Variants in SDK2 observed in about 807,000 individuals in gnomAD.
SDK2 encodes the protein sidekick cell adhesion molecule 2, also known as protein sidekick-2.
SDK2 carries 105 observed loss-of-function variants against 253.9 expected under a neutral mutation model. The ratio of observed to expected loss-of-function variants is 0.41; its 90% confidence interval spans 0.35 to 0.49. SDK2 has a LOEUF of 0.49. Ranked by LOEUF, SDK2 falls within the 20% of genes least tolerant of loss-of-function variation. SDK2 has a pLI of 0.06. For missense variants in SDK2, 2,608 were observed against 3,003.0 expected, an observed-to-expected ratio of 0.87 and a Z score of 3.07; for synonymous variants, 1,249 against 1,234.9, an observed-to-expected ratio of 1.01 and a Z score of -0.24.
chr17:73,637,275 T>C (rs927274217), intron 1 of SDK2, among the ~76,000 whole-genome samples: 8 of 152,150 alleles, frequency 5.3e-5, no homozygotes, highest in South Asian at 2.1e-4. Flanking sequence ...GTTGTCTTTT[T>C]CCAGCACACG....
intron 1 of SDK2, among the ~76,000 whole-genome samples, chr17:73,599,148 T>G (rs2045802173): frequency 6.6e-6 from 1 of 152,212 alleles, no homozygotes; most frequent in Non-Finnish European, 1.5e-5. Context: ...TCCTGTGCAA[T>G]GGGCCTGGCC....
chr17:73,585,158 AT>A (rs1485896946), intron 1 of SDK2, among the ~76,000 whole-genome samples: 3 of 152,206 alleles, frequency 2.0e-5, no homozygotes. Context: ...GATGTGAGGA[AT>A]TGAAGCTCAG....
At chr17:73,442,298 GC>G (rs1270807561) in intron 5 of SDK2, among the ~76,000 whole-genome samples, 1 of 151,458 alleles carries the variant, frequency 6.6e-6, no homozygotes, top group East Asian at 1.9e-4. Flanking sequence ...TGCTTTGTAA[GC>G]CCCCAGCTGT....
chr17:73,570,055 G>C lies in SDK2; in HGVS notation c.65-62458C>G, dbSNP rs116288992. ...CAGCGCTCTAACTCTTTCAGGCTTC[G>C]GCTGGGGAAGGAAGAGAGTCAGGCG... On this transcript the variant is annotated intron_variant, in intron 1 of 44. Transcript: ENST00000392650. This position sits in a 1 kb window ranked among gnomAD's most constrained non-coding sequence, Gnocchi z 4.2. Among the ~76,000 whole-genome samples, 1,411 of 152,216 alleles carry C rather than the reference G, an allele frequency of 9.3e-3. 21 individuals are homozygous for C. Among genetic ancestry groups the C allele is most frequent in the African/African-American group, 0.027 (1,120 of 41,544 alleles).
chr17:73,567,610 G>A (rs974576148), intron 1 of SDK2, among the ~76,000 whole-genome samples: 2 of 152,254 alleles, frequency 1.3e-5, no homozygotes, highest in Non-Finnish European at 2.9e-5. Flanking sequence ...ACAGCCAGGG[G>A]GGCTGTGCCT....
chr17:73,451,750 C>G (rs1054218074), intron 4 of SDK2, among the ~76,000 whole-genome samples: 1 of 152,178 alleles, frequency 6.6e-6, no homozygotes, highest in African/African-American at 2.4e-5. Flanking sequence ...GCTTGTGGCT[C>G]TCTCCAGAAT....
At chr17:73,583,773 A>T (rs1452631473) in intron 1 of SDK2, among the ~76,000 whole-genome samples, 1 of 152,164 alleles carries the variant, frequency 6.6e-6, no homozygotes, top group African/African-American at 2.4e-5. Flanking sequence ...GCCTGCCCCC[A>T]GGATCAAAGG....
intron 1 of SDK2, among the ~76,000 whole-genome samples, chr17:73,551,223 G>C (rs955762813): frequency 6.6e-6 from 1 of 152,142 alleles, no homozygotes; most frequent in African/African-American, 2.4e-5. Context: ...GATGGCGGCC[G>C]GCTCCCCATC....
intron 1 of SDK2, among the ~76,000 whole-genome samples, chr17:73,604,119 A>G (rs147054596): frequency 6.6e-6 from 1 of 152,258 alleles, no homozygotes; most frequent in Non-Finnish European, 1.5e-5. Context: ...TGGCCAGGAG[A>G]GTGTTTATTT....
rs568024892 is a variant in SDK2, at chr17:73,585,497, G to A, written c.64+58528C>T. Reference sequence around the variant, plus strand: ...TTCGGGTTGGTCCTGAGTAGGTGCTGCGGGTCTGTGGGCCACACTCTGAAT... The same window carrying A: ...TTCGGGTTGGTCCTGAGTAGGTGCTACGGGTCTGTGGGCCACACTCTGAAT... On this transcript the variant is annotated intron_variant, in intron 1 of 44. Transcript: ENST00000392650. Among the ~76,000 whole-genome samples, 6 of 152,330 alleles carry A rather than the reference G, an allele frequency of 3.9e-5. No homozygotes were observed. In the East Asian group the frequency reaches 1.2e-3, roughly 29 times the overall value.
rs1054851364 is a variant in SDK2 at position 73,352,524 on chromosome 17, C to T, written c.5707G>A (p.Val1903Ile). ...GVSYDFRVIA[V>I]NDYGFGTPSS... is the part of the protein sequence containing the mutation. Reference sequence around the variant, plus strand: ...GGGGTGCCGAAACCATAGTCGTTGACCGCGATGACCCGGAAGTCATAGCTC... The same window carrying T: ...GGGGTGCCGAAACCATAGTCGTTGATCGCGATGACCCGGAAGTCATAGCTC... The change falls in exon 41 of 45, where the codon GTC becomes ATC. Residue 1903 changes from valine (V) to isoleucine (I), a missense_variant. Transcript: ENST00000392650. The surrounding 1 kb of genome is among the most constrained non-coding windows in gnomAD (Gnocchi z 4.1). 1 of 1,613,970 alleles carries T rather than the reference C, an allele frequency of 6.2e-7. No individual in the cohort carries two copies. The highest frequency in any genetic ancestry group is 8.5e-7 in the Non-Finnish European group (1 of 1,179,876).
intron 1 of SDK2, among the ~76,000 whole-genome samples, chr17:73,636,543 T>C (rs2046331677): frequency 6.6e-6 from 1 of 151,682 alleles, no homozygotes; most frequent in African/African-American, 2.4e-5. Context: ...TGGTCAGGCG[T>C]GGCAGCACGT....
At chr17:73,381,410 T>C (rs2062829542) in intron 33 of SDK2, among the ~76,000 whole-genome samples, 1 of 149,516 alleles carries the variant, frequency 6.7e-6, no homozygotes, top group Non-Finnish European at 1.5e-5. Flanking sequence ...CAAGCACATA[T>C]GGGCAAAAAA....
intron 1 of SDK2, among the ~76,000 whole-genome samples, chr17:73,547,582 A>T (rs2044985277): frequency 6.6e-6 from 1 of 152,142 alleles, no homozygotes; most frequent in Non-Finnish European, 1.5e-5. Context: ...CCCACCTCCC[A>T]ATAGGGCCTG....
intron 1 of SDK2, among the ~76,000 whole-genome samples, chr17:73,611,480 GT>G (rs528970601): frequency 1.5e-3 from 225 of 152,360 alleles, no homozygotes; most frequent in African/African-American, 5.2e-3. Context: ...GGACGCCCAA[GT>G]CCCCCTGGGA....
intron 1 of SDK2, among the ~76,000 whole-genome samples, chr17:73,523,329 T>G (rs1417250567): frequency 6.6e-6 from 1 of 151,870 alleles, no homozygotes; most frequent in Non-Finnish European, 1.5e-5. Flanking sequence ...TGTGGAATGC[T>G]CTTCATGGAC....
At chr17:73,610,735 T>C (rs987562876) in intron 1 of SDK2, among the ~76,000 whole-genome samples, 39 of 152,242 alleles carry the variant, frequency 2.6e-4, no homozygotes, top group African/African-American at 9.2e-4. Flanking sequence ...CCAGGAAGGA[T>C]GGAGAGGGTG....
chr17:73,572,747 G>T (rs1226564715), intron 1 of SDK2, among the ~76,000 whole-genome samples: 1 of 152,060 alleles, frequency 6.6e-6, no homozygotes, highest in African/African-American at 2.4e-5. Context: ...GCTGGAGAAG[G>T]GGCATCAACA....
rs117710391 is a variant in SDK2 at position 73,396,866 on chromosome 17, G to A, written c.3354+1169C>T. ...GGTGGGTATAGTCACACTGTGCACG[G>A]GGCACTGAGGTGGGCCGAGACAGCT... On this transcript the variant is annotated intron_variant, in intron 24 of 44. Coordinates refer to ENST00000392650, the MANE Select transcript of SDK2 (RefSeq NM_001144952.2). Among the ~76,000 whole-genome samples the A allele has an allele frequency of 2.1e-3, 313 of 152,344 alleles. 3 individuals are homozygous for A. In the East Asian group the frequency reaches 0.022, roughly 11 times the overall value.
Sources: gnomAD v4.1 joint callset for allele counts (sites outside exome capture counted in the v4.1 genomes callset) on GRCh38, gnomAD v4.1.1 for gene constraint, Gnocchi (gnomAD v3.1) non-coding constraint, MANE v1.5 for transcripts, NCBI Gene and HGNC (gene_info 2026-07-23, HGNC 2026-07-21) for gene names.